The following GCN1 variants were observed in gnomAD, a reference collection of about 807,000 sequenced individuals.
GCN1 encodes stalled ribosome sensor GCN1.
In GCN1, 90 loss-of-function variants were observed where a neutral mutation model predicts 288.4. The observed-to-expected ratio is 0.31, with a 90% CI of 0.26 to 0.37. The LOEUF (loss-of-function observed/expected upper bound fraction) is 0.37. Ranked by LOEUF, GCN1 falls within the 10% of genes least tolerant of loss-of-function variation. GCN1 has a pLI of 1.00. For missense variants in GCN1, 2,586 were observed against 3,419.9 expected (o/e 0.76, Z 6.08); for synonymous variants, 1,386 against 1,420.2 (o/e 0.98, Z 0.54).
rs1877724127 is a variant in GCN1 at position 120,155,683 on chromosome 12, C to G, written c.3349G>C (p.Asp1117His). 1 of 1,613,864 alleles carries G rather than the reference C, an allele frequency of 6.2e-7. No individual in the cohort carries two copies. Among genetic ancestry groups the G allele is most frequent in the Admixed American group, 1.7e-5 (1 of 59,992 alleles). Residue 1117 changes from aspartate to histidine, a missense_variant, in exon 29 of 58, where the codon GAT becomes CAT. Asp to His is a moderately conservative substitution (Grantham distance 81, BLOSUM62 -1). This residue lies in a region of GCN1 where 332 missense variants were observed against 403.0 expected (regional missense o/e 0.82). Transcript: ENST00000300648. The surrounding 1 kb of genome is among the most constrained non-coding windows in gnomAD (Gnocchi z 4.9). ...TTCAGGCCATTCTTCTCATCAGTATCAGGTGCTGGCAATACCATGTGGAGT... is the reference window on the plus strand; with the variant it reads ...TTCAGGCCATTCTTCTCATCAGTATGAGGTGCTGGCAATACCATGTGGAGT... ...MELHMVLPAP[D>H]TDEKNGLNLL...
chr12:120,190,224 CAAAAAAAAAAA>C, intron 2 of GCN1, 63 bp downstream of exon 2: 1 of 571,246 alleles, frequency 1.8e-6, no homozygotes, highest in Non-Finnish European at 2.9e-6. Flanking sequence ...GACTCTGTCT[CAAAAAAAAAAA>C]AAAAAAAGAA....
chr12:120,169,674 T>C (rs373317616), intron 15 of GCN1, among the ~76,000 whole-genome samples: 13 of 152,208 alleles, frequency 8.5e-5, no homozygotes, highest in African/African-American at 3.1e-4. Flanking sequence ...CAGCTAATTT[T>C]TGTACTTTTA....
chr12:120,169,276 C>CAAAAAAAAAAAAAAAAAAAAAAAAAAAA (rs35819206), intron 15 of GCN1, among the ~76,000 whole-genome samples: 1 of 66,668 alleles, frequency 1.5e-5, no homozygotes, highest in African/African-American at 6.6e-5. Flanking sequence ...AACTCCGTCT[C>CAAAAAAAAAAAAAAAAAAAAAAAAAAAA]AAAAAAAAAA....
chr12:120,153,613 G>T lies in GCN1; in HGVS notation c.3867+131C>A. On this transcript the variant is annotated intron_variant, in intron 32 of 57. Coordinates refer to ENST00000300648, the MANE Select transcript of GCN1 (RefSeq NM_006836.2). This position sits in a 1 kb window ranked among gnomAD's most constrained non-coding sequence, Gnocchi z 4.4. ...TATCATGGTCTTTTTGGCTCAAAGTGCTCTGCCAGGACTCTTGGCACTCAG... is the reference window on the plus strand; with the variant it reads ...TATCATGGTCTTTTTGGCTCAAAGTTCTCTGCCAGGACTCTTGGCACTCAG... The T allele has an allele frequency of 1.1e-6, 1 of 948,534 alleles. No individual in the cohort carries two copies. The highest frequency in any genetic ancestry group is 1.6e-6 in the Non-Finnish European group (1 of 620,562). 58.8% of individuals were successfully genotyped at this position (948,534 alleles called of 1,614,324 possible).
Position 120,162,982 on chromosome 12 carries a change from A to G in GCN1, c.2039-11T>C. 6.2e-7 allele frequency: 1 copy of G among 1,614,208 alleles called. No individual in the cohort carries two copies. The highest frequency in any genetic ancestry group is 8.5e-7 in the Non-Finnish European group (1 of 1,180,024). ...CAGACTGCACGGCAACTGAAGGGGA[A>G]GGGAGCTCTTTGAGGCCTTCTGCCT... On this transcript the variant is annotated splice_polypyrimidine_tract_variant and intron_variant, in intron 19 of 57. Transcript: ENST00000300648.
In GCN1 at chr12:120,144,520, C is replaced by T. The variant is rs534447700; in HGVS notation, c.5353-72G>A. On this transcript the variant is annotated intron_variant, in intron 41 of 57. Coordinates refer to ENST00000300648, the MANE Select transcript of GCN1 (RefSeq NM_006836.2). The surrounding 1 kb of genome is among the most constrained non-coding windows in gnomAD (Gnocchi z 4.7). ...CCCAGCCCAAAAAACATGGGGCTCA[C>T]TGAAGGCTGAGGGCTCTGCCAACCA... The T allele has an allele frequency of 6.3e-7, 1 of 1,575,306 alleles. No individual in the cohort carries two copies. The highest frequency in any genetic ancestry group is 1.7e-4 in the Middle Eastern group (1 of 5,854).
At position 120,174,128 on chromosome 12, in the gene GCN1, T is replaced by C; in HGVS notation, c.1135A>G (p.Ser379Gly). 6.2e-7 allele frequency: 1 copy of C among 1,607,628 alleles called. No homozygotes were observed. Among genetic ancestry groups the C allele is most frequent in the South Asian group, 1.1e-5 (1 of 90,948 alleles). Residue 379 changes from serine (S) to glycine (G), a missense_variant, in exon 13 of 58, where the codon AGT (serine) becomes GGT (glycine). Around this residue, in one of 8 missense-constraint regions of GCN1, gnomAD observed 913 missense variants for 1,107.0 expected, o/e 0.82. Transcript: ENST00000300648. ...VSHHVVSGPS[S>G]QVLNGIVAEL... ...GCCACGATCCCATTCAGGACCTGACTGGAAGGTCCAGACACCACGTGATGA... is the reference window on the plus strand; with the variant it reads ...GCCACGATCCCATTCAGGACCTGACCGGAAGGTCCAGACACCACGTGATGA...
In GCN1 at chr12:120,142,937, TG is replaced by T; in HGVS notation, c.5499del (p.Phe1833LeufsTer21). 1 of 1,603,092 alleles carries T rather than the reference TG, an allele frequency of 6.2e-7. No homozygotes were observed. On this transcript the variant is annotated frameshift_variant, in exon 43 of 58. Transcript: ENST00000300648. LOFTEE classifies it high-confidence loss of function. This position sits in a 1 kb window ranked among gnomAD's most constrained non-coding sequence, Gnocchi z 4.9. ...GLFDDLWRIR[F>X]SSVQLLGDLL... is the part of the protein sequence containing the mutation. ...AGATCCCCAAGGAGCTGAACAGAGC[TG>T]AACCTGAGAAGGAGGCCAACAACAC...
intron 16 of GCN1, among the ~76,000 whole-genome samples, chr12:120,164,998 T>C (rs1192062536): frequency 2.2e-4 from 14 of 64,672 alleles, no homozygotes; most frequent in Middle Eastern, 0.012. Flanking sequence ...TATATACACA[T>C]ATATACACAC....
chr12:120,144,951 G>A lies in GCN1; in HGVS notation c.5127C>T (p.Ser1709=), dbSNP rs537609485. Residue 1709 remains serine (S), a synonymous_variant, in exon 40 of 58, where the codon AGC becomes AGT. Transcript: ENST00000300648. This position sits in a 1 kb window ranked among gnomAD's most constrained non-coding sequence, Gnocchi z 4.7. Reference sequence around the variant, plus strand: ...GTGCAGCGCCTGAGCGATCCACAGAGCTCTGCTCATAGGTCAGTGTCTCCA... The same window carrying A: ...GTGCAGCGCCTGAGCGATCCACAGAACTCTGCTCATAGGTCAGTGTCTCCA... ...WLMETLTYEQ[S]SVDRSGAAQG... The A allele has an allele frequency of 3.1e-6, 5 of 1,614,204 alleles. No homozygotes were observed. The African/African-American group carries it at 6.7e-5, about 22-fold the overall frequency.
intron 5 of GCN1, among the ~76,000 whole-genome samples, chr12:120,180,232 G>A (rs1009219186): frequency 6.6e-6 from 1 of 152,110 alleles, no homozygotes; most frequent in African/African-American, 2.4e-5. Flanking sequence ...TTGAACGCAG[G>A]AGAATCGCTT....
At chr12:120,166,792 C>T (rs944808100) in intron 16 of GCN1, among the ~76,000 whole-genome samples, 2 of 151,562 alleles carry the variant, frequency 1.3e-5, no homozygotes, top group African/African-American at 4.9e-5. Flanking sequence ...AGGAGAATTG[C>T]TTAAGCCCAG....
At chr12:120,165,789 C>CGTTGTT (rs201108044) in intron 16 of GCN1, among the ~76,000 whole-genome samples, 1 of 150,898 alleles carries the variant, frequency 6.6e-6, no homozygotes. Flanking sequence ...ATTTTGTTTT[C>CGTTGTT]GTTGTTGTTG....
At position 120,156,835 on chromosome 12, in the gene GCN1, C is replaced by A. The variant is rs1479662286; in HGVS notation, c.3168+77G>T. 1 of 1,085,136 alleles carries A rather than the reference C, an allele frequency of 9.2e-7. No homozygotes were observed. The highest frequency in any genetic ancestry group is 1.4e-6 in the Non-Finnish European group (1 of 698,170). The allele number at this position is 1,085,136 out of a possible 1,614,324, so 67.2% of individuals were successfully genotyped here. A position where few individuals can be genotyped will look rare whatever the true frequency, so the allele number is the denominator to read the frequency against. On this transcript the variant is annotated intron_variant, in intron 27 of 57. Transcript: ENST00000300648. This position sits in a 1 kb window ranked among gnomAD's most constrained non-coding sequence, Gnocchi z 5.8. ...AGTAAGGGCTGAAAGGAAACTAGGA[C>A]TCCACCCTTTACACTGGGACTTGAG...
Position 120,144,267 on chromosome 12 carries a change from C to A in GCN1, c.5495+39G>T. 1 of 1,610,396 alleles carries A rather than the reference C, an allele frequency of 6.2e-7. No individual in the cohort carries two copies. Among genetic ancestry groups the A allele is most frequent in the African/African-American group, 1.3e-5 (1 of 74,988 alleles). ...CTCGGATTATAGGCATGAGCCACCACGCATCATCCCCACTGGGTCTTTCTG... is the reference window on the plus strand; with the variant it reads ...CTCGGATTATAGGCATGAGCCACCAAGCATCATCCCCACTGGGTCTTTCTG... On this transcript the variant is annotated intron_variant, in intron 42 of 57. Coordinates refer to ENST00000300648, the MANE Select transcript of GCN1 (RefSeq NM_006836.2). This position sits in a 1 kb window ranked among gnomAD's most constrained non-coding sequence, Gnocchi z 4.7.
intron 16 of GCN1, among the ~76,000 whole-genome samples, chr12:120,165,210 A>C (rs1196116082): frequency 3.3e-5 from 5 of 150,764 alleles, no homozygotes; most frequent in African/African-American, 1.2e-4. Context: ...ATTTTTTTAT[A>C]TTTTTTAGTA....
chr12:120,139,155 C>G (rs1403175073), intron 45 of GCN1, among the ~76,000 whole-genome samples: 4 of 151,710 alleles, frequency 2.6e-5, no homozygotes, highest in Admixed American at 6.6e-5. Flanking sequence ...ACTAAAAATA[C>G]AAAAATTAGC....
In GCN1 at chr12:120,162,835, T is replaced by C. The variant is rs1041895111; in HGVS notation, c.2163+12A>G. 3 of 1,613,274 alleles carry C rather than the reference T, an allele frequency of 1.9e-6. No homozygotes were observed. The highest frequency in any genetic ancestry group is 2.5e-6 in the Non-Finnish European group (3 of 1,179,730). ...CCGGACCTGAGGCCAGACCAGCTCA[T>C]GTGCCCGTCACCTGGTTTAGGGGAC... On this transcript the variant is annotated intron_variant, in intron 20 of 57. Transcript: ENST00000300648.
chr12:120,173,870 C>T, intron 13 of GCN1, 44 bp from the exon 14 acceptor site: 1 of 1,537,970 alleles, frequency 6.5e-7, no homozygotes, highest in Non-Finnish European at 9.0e-7. Flanking sequence ...TGTCTTATAA[C>T]CATGTCAAAT....
Sources: gnomAD v4.1 joint callset for allele counts (sites outside exome capture counted in the v4.1 genomes callset) on GRCh38, gnomAD v4.1.1 for gene constraint, gnomAD v4.1.1 regional missense constraint, Gnocchi (gnomAD v3.1) non-coding constraint, MANE v1.5 for transcripts, NCBI Gene and HGNC (gene_info 2026-07-23, HGNC 2026-07-21) for gene names.